ZNF85: variants seen among roughly 807,000 people sequenced by gnomAD.
The protein encoded by ZNF85 is zinc finger protein 85.
A neutral mutation model predicts 53.9 loss-of-function variants in ZNF85; 50 were observed. The ratio of observed to expected loss-of-function variants is 0.93; its 90% CI spans 0.74 to 1.17. ZNF85 has a LOEUF of 1.17. ZNF85 is among the 50% of genes most tolerant of loss of function. The probability of loss-of-function intolerance (pLI) is 0.00; values close to 1 mark genes in which losing one functional copy is unlikely to be tolerated. For synonymous variants in ZNF85, 225 were observed against 226.1 expected (o/e 1.00, Z 0.04); for missense variants, 747 against 688.5 (o/e 1.08, Z -0.95).
At chr19:20,946,498 A>G in intron 3 of ZNF85, 1 of 244,124 alleles carries the variant, frequency 4.1e-6, no homozygotes. Context: ...ATTATATTGC[A>G]CTCTATGTGT....
chr19:20,950,299 A>T lies in ZNF85; in HGVS notation c.1785A>T (p.Ile595=), dbSNP rs145040164. The T allele has an allele frequency of 2.1e-4, 320 of 1,516,536 alleles. No homozygotes were observed. The highest frequency in any genetic ancestry group is 2.6e-4 in the Non-Finnish European group (293 of 1,134,812). The allele number at this position is 1,516,536 out of a possible 1,614,324, so 93.9% of individuals were successfully genotyped here. ...TTCATACCGGAGAAAAATTACAAATATGAAAATTATGGCAAAGCTTTAATC... is the reference window on the plus strand; with the variant it reads ...TTCATACCGGAGAAAAATTACAAATTTGAAAATTATGGCAAAGCTTTAATC... ...KIIHTGEKLQ[I] Residue 595 remains isoleucine, a synonymous_variant, in exon 4 of 4, where the codon ATA becomes ATT. Transcript: ENST00000328178.
intron 3 of ZNF85, chr19:20,942,820 G>T: frequency 1.4e-6 from 1 of 699,624 alleles, no homozygotes; most frequent in South Asian, 1.5e-5. Flanking sequence ...CTGTCACCCA[G>T]TCTGGAATGC....
At chr19:20,941,546 A>C (rs1973296211) in intron 3 of ZNF85, among the ~76,000 whole-genome samples, 1 of 151,584 alleles carries the variant, frequency 6.6e-6, no homozygotes, top group African/African-American at 2.4e-5. Context: ...TACAGGCATG[A>C]GCCACCGTGC....
chr19:20,923,603 C>A (rs1265467295), intron 1 of ZNF85, among the ~76,000 whole-genome samples, 200 bp downstream of exon 1: 1 of 152,174 alleles, frequency 6.6e-6, no homozygotes, highest in East Asian at 1.9e-4. Flanking sequence ...CTGTCTCTTC[C>A]CTGCGCAGTG....
At chr19:20,925,874 C>T (rs998637318) in intron 1 of ZNF85, among the ~76,000 whole-genome samples, 15 of 152,016 alleles carry the variant, frequency 9.9e-5, no homozygotes, top group African/African-American at 3.4e-4. Flanking sequence ...TTGTAAATTG[C>T]ATTTGATTAG....
In ZNF85 at chr19:20,945,267, C is replaced by A. The variant is rs925032214; in HGVS notation, c.230-3477C>A. On this transcript the variant is annotated intron_variant, in intron 3 of 3. Transcript: ENST00000328178. Reference sequence around the variant, plus strand: ...TCTTGCAAAGCTGAATCTGAATACACATTAAACAACTACCAATTTTTTCCA... The same window carrying A: ...TCTTGCAAAGCTGAATCTGAATACAAATTAAACAACTACCAATTTTTTCCA... Among the ~76,000 whole-genome samples, 4 of 152,236 alleles carry A rather than the reference C, an allele frequency of 2.6e-5. No homozygotes were observed. The East Asian group carries it at 5.8e-4, about 22-fold the overall frequency.
chr19:20,923,540 C>T, intron 1 of ZNF85, 137 bp downstream of exon 1: 1 of 1,415,580 alleles, frequency 7.1e-7, no homozygotes, highest in East Asian at 2.3e-5. Context: ...CAGCTCGGCC[C>T]CAGTTCCTCC....
intron 3 of ZNF85, chr19:20,943,035 C>G: frequency 2.1e-6 from 1 of 486,450 alleles, no homozygotes; most frequent in Non-Finnish European, 3.6e-6. Context: ...CTTGGTCTCC[C>G]AAAGTGTTGG....
At chr19:20,946,050 T>TC (rs964483055) in intron 3 of ZNF85, among the ~76,000 whole-genome samples, 15 of 152,142 alleles carry the variant, frequency 9.9e-5, no homozygotes, top group African/African-American at 3.6e-4. Flanking sequence ...AAACGTTTTT[T>TC]TTTTTTGAAG....
At chr19:20,927,486 G>A (rs1972907036) in intron 1 of ZNF85, 1 of 148,180 alleles carries the variant, frequency 6.7e-6, no homozygotes, top group African/African-American at 2.4e-5. Flanking sequence ...GACCAGTGAA[G>A]ACAAATTCAG....
intron 1 of ZNF85, among the ~76,000 whole-genome samples, chr19:20,929,183 CTCT>C (rs1207840644): frequency 9.4e-5 from 14 of 148,298 alleles, no homozygotes; most frequent in African/African-American, 2.7e-4. Context: ...AAAAACTGAT[CTCT>C]TCTTTTTTTT....
At position 20,937,419 on chromosome 19, in the gene ZNF85, A is replaced by C. The variant is rs562292092; in HGVS notation, c.229+2372A>C. ...GGGATGCCCTCTGAGTTTATAGTGC[A>C]GAGGAATTGTAGCTTGATCAGAAGG... On this transcript the variant is annotated intron_variant, in intron 3 of 3. Coordinates refer to ENST00000328178, the MANE Select transcript of ZNF85 (RefSeq NM_003429.5). The C allele has an allele frequency of 4.6e-5, 21 of 452,630 alleles. No homozygotes were observed. The East Asian group carries it at 1.1e-3, about 24-fold the overall frequency. 28.0% of individuals were successfully genotyped at this position (452,630 alleles called of 1,614,324 possible).
chr19:20,942,142 A>C (rs1305201781), intron 3 of ZNF85, among the ~76,000 whole-genome samples: 1 of 150,688 alleles, frequency 6.6e-6, no homozygotes, highest in East Asian at 1.9e-4. Flanking sequence ...TGCTTTTGTT[A>C]TTGTAGCTTT....
chr19:20,949,269 A>G lies in ZNF85; in HGVS notation c.755A>G (p.His252Arg), dbSNP rs773196075. 69 of 1,612,836 alleles carry G rather than the reference A, an allele frequency of 4.3e-5. 1 individual carries two copies. The South Asian group carries it at 6.8e-4, about 16-fold the overall frequency. Residue 252 changes from histidine to arginine, a missense_variant, in exon 4 of 4, where the codon CAT (histidine) becomes CGT (arginine). By Grantham distance (29) the His-to-Arg change is conservative. Coordinates refer to ENST00000328178, the MANE Select transcript of ZNF85 (RefSeq NM_003429.5). ...AACCTTATTAAACATAAGAAAATTC[A>G]TACTGGAGAGAAACCCTACAAATGT... ...SSNLIKHKKI[H>R]TGEKPYKCEE... is the part of the protein sequence containing the mutation.
At chr19:20,928,184 A>C (rs905065523) in intron 1 of ZNF85, 3 of 152,146 alleles carry the variant, frequency 2.0e-5, no homozygotes, top group Admixed American at 6.6e-5. Flanking sequence ...TGTGACTGGC[A>C]TCTGTAATGA....
intron 1 of ZNF85, among the ~76,000 whole-genome samples, chr19:20,926,561 A>C (rs1333436929): frequency 1.3e-5 from 2 of 149,428 alleles, no homozygotes; most frequent in East Asian, 4.0e-4. Flanking sequence ...AGTGACTCCA[A>C]CCTAAGGCTA....
chr19:20,949,221 G>T lies in ZNF85; in HGVS notation c.707G>T (p.Gly236Val). The change falls in exon 4 of 4, where the codon GGT becomes GTT. Residue 236 changes from glycine to valine, a missense_variant. Coordinates refer to ENST00000328178, the MANE Select transcript of ZNF85 (RefSeq NM_003429.5). ...GEKPYKCEEC[G>V]KAFNQSSNLI... is the part of the protein sequence containing the mutation. The stretch of plus-strand genomic sequence containing the variant: ...AAACCTTACAAATGTGAAGAATGTG[G>T]TAAAGCCTTTAACCAGTCCTCAAAC... 3.7e-6 allele frequency: 6 copies of T among 1,613,184 alleles called. No homozygotes were observed. The highest frequency in any genetic ancestry group is 1.7e-4 in the Middle Eastern group (1 of 6,058).
At chr19:20,941,792 T>C (rs1599441960) in intron 3 of ZNF85, among the ~76,000 whole-genome samples, 1 of 138,208 alleles carries the variant, frequency 7.2e-6, no homozygotes. Context: ...CGCAGAAACT[T>C]TGAAGTGTAA....
intron 3 of ZNF85, among the ~76,000 whole-genome samples, chr19:20,946,590 A>T (rs1439433551): frequency 6.6e-6 from 1 of 151,478 alleles, no homozygotes; most frequent in Admixed American, 6.6e-5. Context: ...ACACACACAC[A>T]CACCCCACAA....
Sources: gnomAD v4.1 joint callset for allele counts (sites outside exome capture counted in the v4.1 genomes callset) on GRCh38, gnomAD v4.1.1 for gene constraint, MANE v1.5 for transcripts, NCBI Gene and HGNC (gene_info 2026-07-23, HGNC 2026-07-21) for gene names.